The following ANKS1B variants were observed in gnomAD, a reference collection of about 807,000 sequenced individuals.
ANKS1B encodes the protein ankyrin repeat and sterile alpha motif domain containing 1B.
ANKS1B carries 36 observed loss-of-function variants against 148.3 expected under a neutral mutation model. The observed-to-expected ratio is 0.24, with a 90% confidence interval of 0.19 to 0.32. ANKS1B has a LOEUF of 0.32. Ranked by LOEUF, ANKS1B falls within the 10% of genes least tolerant of loss-of-function variation. ANKS1B has a pLI of 1.00. For synonymous variants in ANKS1B, 542 were observed against 560.8 expected, an observed-to-expected ratio of 0.97 and a Z score of 0.47; for missense variants, 1,157 against 1,542.6, an observed-to-expected ratio of 0.75 and a Z score of 4.19.
At position 98,845,723 on chromosome 12, in the gene ANKS1B, CTTTT is replaced by C. The variant is rs79874270; in HGVS notation, c.2779-13591_2779-13588del. Among the ~76,000 whole-genome samples the C allele has an allele frequency of 5.6e-5, 8 of 142,200 alleles. 1 individual carries two copies. Among genetic ancestry groups the C allele is most frequent in the East Asian group, 2.0e-4 (1 of 4,952 alleles). The allele number at this position is 142,200 out of a possible 152,430, so 93.3% of individuals were successfully genotyped here. A position where few individuals can be genotyped will look rare whatever the true frequency, so the allele number is the denominator to read the frequency against. On this transcript the variant is annotated intron_variant, in intron 17 of 26. Transcript: ENST00000683438. The stretch of plus-strand genomic sequence containing the variant: ...AGTAATGATTCCCAGATAATTAAAA[CTTTT>C]TTTTTTTTTTAATTAAGGTAACTTT...
At chr12:99,285,093 C>T (rs2078955962) in intron 12 of ANKS1B, among the ~76,000 whole-genome samples, 1 of 152,092 alleles carries the variant, frequency 6.6e-6, no homozygotes, top group African/African-American at 2.4e-5. Context: ...TTCCTTTTAC[C>T]CTTTTGTAAT....
At chr12:99,291,144 GAATAA>G (rs2079910279) in intron 12 of ANKS1B, among the ~76,000 whole-genome samples, 1 of 151,890 alleles carries the variant, frequency 6.6e-6, no homozygotes, top group South Asian at 2.1e-4. Context: ...CAATAGTTAT[GAATAA>G]AATAAAATAC....
At chr12:99,581,897 C>CAAAAAAAAAA (rs369048602) in intron 9 of ANKS1B, among the ~76,000 whole-genome samples, 1 of 60,748 alleles carries the variant, frequency 1.6e-5, no homozygotes, top group Non-Finnish European at 3.6e-5. Context: ...GACTCCGTCT[C>CAAAAAAAAAA]AAAAAAAAAA....
In ANKS1B at chr12:99,401,473, C is replaced by T. The variant is rs1004859784; in HGVS notation, c.1576-1662G>A. Among the ~76,000 whole-genome samples, 16 of 146,184 alleles carry T rather than the reference C, an allele frequency of 1.1e-4. 3 individuals are homozygous for T. The highest frequency in any genetic ancestry group is 6.5e-3 in the Middle Eastern group (2 of 308). ...GTCAAGCCAAATGATATATATGATT[C>T]CCCCATTTCTAATTGTTTCTTAAAT... On this transcript the variant is annotated intron_variant, in intron 11 of 26. Coordinates refer to ENST00000683438, the MANE Select transcript of ANKS1B (RefSeq NM_001352186.2).
chr12:99,640,369 T>A (rs1171491188), intron 9 of ANKS1B, among the ~76,000 whole-genome samples: 2 of 152,078 alleles, frequency 1.3e-5, no homozygotes, highest in African/African-American at 4.8e-5. Context: ...ACAAAACTCA[T>A]TTTGAAATTT....
chr12:99,555,006 A>G (rs988549143), intron 9 of ANKS1B, among the ~76,000 whole-genome samples: 10 of 152,062 alleles, frequency 6.6e-5, no homozygotes, highest in African/African-American at 2.2e-4. Flanking sequence ...AGCTCCATCT[A>G]TGTTGCTGCA....
At position 99,582,670 on chromosome 12, in the gene ANKS1B, T is replaced by C. The variant is rs562357459; in HGVS notation, c.1272+72397A>G. The stretch of plus-strand genomic sequence containing the variant: ...TCTGTGAAAGCAAACAGATCAAAGA[T>C]TGCTTAAGTCAAGATAATGAGGGGA... On this transcript the variant is annotated intron_variant, in intron 9 of 26. Coordinates refer to ENST00000683438, the MANE Select transcript of ANKS1B (RefSeq NM_001352186.2). Among the ~76,000 whole-genome samples, 11 of 152,258 alleles carry C rather than the reference T, an allele frequency of 7.2e-5. No individual in the cohort carries two copies. The South Asian group carries it at 2.1e-3, about 29-fold the overall frequency.
At chr12:99,786,986 A>G (rs1042258510) in intron 4 of ANKS1B, among the ~76,000 whole-genome samples, 1 of 152,244 alleles carries the variant, frequency 6.6e-6, no homozygotes. Context: ...AGAACAAAAG[A>G]ATAATTATCA....
At chr12:98,965,357 A>C (rs530490570) in intron 17 of ANKS1B, among the ~76,000 whole-genome samples, 1 of 152,340 alleles carries the variant, frequency 6.6e-6, no homozygotes, top group African/African-American at 2.4e-5. Flanking sequence ...TTACAGAGGC[A>C]ATGTATATAA....
chr12:99,192,575 AG>A, intron 14 of ANKS1B, among the ~76,000 whole-genome samples: 1 of 152,210 alleles, frequency 6.6e-6, no homozygotes, highest in Non-Finnish European at 1.5e-5. Flanking sequence ...GAGATATAAA[AG>A]GGGCTTATTT....
chr12:99,757,109 T>C (rs928991573), intron 8 of ANKS1B, among the ~76,000 whole-genome samples: 3 of 152,036 alleles, frequency 2.0e-5, no homozygotes, highest in African/African-American at 4.8e-5. Context: ...TGGGATCTAA[T>C]TAAACTAAAG....
chr12:99,253,032 T>C (rs1602096022), intron 12 of ANKS1B, among the ~76,000 whole-genome samples: 1 of 152,228 alleles, frequency 6.6e-6, no homozygotes, highest in East Asian at 1.9e-4. Context: ...GAGACCAGCC[T>C]GGGCAACATA....
chr12:99,855,014 C>T (rs1381183334), intron 1 of ANKS1B, among the ~76,000 whole-genome samples: 1 of 151,724 alleles, frequency 6.6e-6, no homozygotes, highest in Non-Finnish European at 1.5e-5. Context: ...GGTATTCAGG[C>T]AACAAATAGC....
chr12:98,835,799 A>G (rs551915376), intron 17 of ANKS1B, among the ~76,000 whole-genome samples: 10 of 152,340 alleles, frequency 6.6e-5, no homozygotes, highest in African/African-American at 2.4e-4. Context: ...GGTTAGTACT[A>G]TCAAGATCAC....
At chr12:98,898,422 C>A (rs2099767753) in intron 17 of ANKS1B, among the ~76,000 whole-genome samples, 3 of 152,042 alleles carry the variant, frequency 2.0e-5, no homozygotes, top group African/African-American at 7.2e-5. Context: ...TATTCATTGT[C>A]AAATTTTAGA....
intron 11 of ANKS1B, among the ~76,000 whole-genome samples, chr12:99,419,141 C>T (rs1011631229): frequency 1.3e-5 from 2 of 151,968 alleles, no homozygotes; most frequent in African/African-American, 4.8e-5. Flanking sequence ...AGAAAACATT[C>T]CCCCATTTTC....
chr12:98,786,637 C>T (rs899995450), intron 22 of ANKS1B, among the ~76,000 whole-genome samples: 3 of 152,170 alleles, frequency 2.0e-5, no homozygotes, highest in Admixed American at 2.0e-4. Flanking sequence ...TTCCAGAGTG[C>T]ACGAACTCTA....
chr12:99,000,070 G>T (rs918227245), intron 17 of ANKS1B, among the ~76,000 whole-genome samples: 2 of 151,986 alleles, frequency 1.3e-5, no homozygotes, highest in Admixed American at 6.6e-5. Flanking sequence ...TAAGAAACGG[G>T]TGGGTAGAAG....
chr12:99,824,367 G>C (rs1420948122), intron 2 of ANKS1B, among the ~76,000 whole-genome samples: 1 of 152,104 alleles, frequency 6.6e-6, no homozygotes, highest in Non-Finnish European at 1.5e-5. Flanking sequence ...AGGCGTGGTG[G>C]TGGGCATCTG....
Sources: gnomAD v4.1 joint callset for allele counts (sites outside exome capture counted in the v4.1 genomes callset) on GRCh38, gnomAD v4.1.1 for gene constraint, MANE v1.5 for transcripts, NCBI Gene and HGNC (gene_info 2026-07-23, HGNC 2026-07-21) for gene names.